The following MCF2L variants were observed in gnomAD, a reference collection of about 807,000 sequenced individuals.
The protein encoded by MCF2L is guanine nucleotide exchange factor DBS.
MCF2L carries 97 observed loss-of-function variants against 153.4 expected under a neutral mutation model. The observed-to-expected ratio is 0.63, with a 90% CI of 0.54 to 0.75. MCF2L has a LOEUF of 0.75. MCF2L is among the 30% of genes least tolerant of loss of function. MCF2L has a pLI of 0.00. For synonymous variants in MCF2L, 659 were observed against 632.2 expected (o/e 1.04, Z -0.64); for missense variants, 1,347 against 1,495.2 (o/e 0.90, Z 1.64).
intron 5 of MCF2L, among the ~76,000 whole-genome samples, chr13:113,063,440 TTCAGGCGTCCCTGTCCACACAGCC>T (rs1386680690): frequency 8.2e-6 from 1 of 122,304 alleles, no homozygotes; most frequent in Non-Finnish European, 1.8e-5. Context: ...GCCCACAGCG[TTCAGGCGTCCCTGTCCACACAGCC>T]GCCCACAGCG....
At chr13:112,905,962 C>T (rs985375353) in intron 2 of MCF2L, among the ~76,000 whole-genome samples, 3 of 152,232 alleles carry the variant, frequency 2.0e-5, no homozygotes, top group African/African-American at 4.8e-5. Flanking sequence ...GTGATTCCCC[C>T]TGGTTCTACC....
At chr13:113,090,802 A>G (rs1409516879) in intron 26 of MCF2L, 1 of 984,942 alleles carries the variant, frequency 1.0e-6, no homozygotes, top group Non-Finnish European at 1.2e-6. Context: ...CTGAGACTTG[A>G]AACAAACAAA....
intron 2 of MCF2L, among the ~76,000 whole-genome samples, chr13:112,944,751 G>T (rs1313979070): frequency 6.6e-6 from 1 of 152,144 alleles, no homozygotes; most frequent in Non-Finnish European, 1.5e-5. Context: ...CTCCCAAAGT[G>T]CTGGGATTAC....
intron 2 of MCF2L, among the ~76,000 whole-genome samples, chr13:112,939,531 T>C (rs2081554604): frequency 1.3e-5 from 2 of 152,156 alleles, no homozygotes; most frequent in South Asian, 4.1e-4. Flanking sequence ...TCCAGGGATG[T>C]CTTGTATTGC....
At chr13:112,926,986 A>T (rs2081414315) in intron 2 of MCF2L, among the ~76,000 whole-genome samples, 1 of 152,232 alleles carries the variant, frequency 6.6e-6, no homozygotes, top group Non-Finnish European at 1.5e-5. Context: ...CATACTTCAG[A>T]CCATCATGTA....
intron 1 of MCF2L, chr13:112,902,135 G>T: frequency 7.3e-7 from 1 of 1,375,610 alleles, no homozygotes. Flanking sequence ...TTTGTTCAGA[G>T]CAACAGTTCT....
At chr13:112,945,995 C>G (rs1352920339) in intron 2 of MCF2L, among the ~76,000 whole-genome samples, 2 of 152,148 alleles carry the variant, frequency 1.3e-5, no homozygotes, top group African/African-American at 4.8e-5. Flanking sequence ...GACCGGAAAC[C>G]TGAGCTCATC....
At chr13:113,057,796 T>C (rs892387626) in intron 4 of MCF2L, among the ~76,000 whole-genome samples, 2 of 147,338 alleles carry the variant, frequency 1.4e-5, no homozygotes, top group African/African-American at 5.1e-5. Flanking sequence ...GCGTGTTTGC[T>C]GTGTGTTTGG....
chr13:113,062,679 G>A (rs533161679), intron 5 of MCF2L, among the ~76,000 whole-genome samples: 2 of 152,252 alleles, frequency 1.3e-5, no homozygotes, highest in African/African-American at 4.8e-5. Context: ...GTTGACACGT[G>A]TGTGTCCGTG....
chr13:113,050,469 T>C (rs942709104), intron 4 of MCF2L, among the ~76,000 whole-genome samples: 5 of 151,492 alleles, frequency 3.3e-5, no homozygotes, highest in African/African-American at 1.2e-4. Flanking sequence ...CTCTTTCCTG[T>C]AACGCCGGTG....
Position 113,008,384 on chromosome 13 carries a change from C to G in MCF2L, c.80-6379C>G, listed in dbSNP as rs370681746. Among the ~76,000 whole-genome samples the G allele has an allele frequency of 1.2e-4, 19 of 152,340 alleles. No individual in the cohort carries two copies. In the East Asian group the frequency reaches 1.9e-3, roughly 15 times the overall value. Reference sequence around the variant, plus strand: ...CTCAGCCCCTGGACTCCAGCAGTCACCCTCATAGGAGTCCCACCTCTGCGG... The same window carrying G: ...CTCAGCCCCTGGACTCCAGCAGTCAGCCTCATAGGAGTCCCACCTCTGCGG... On this transcript the variant is annotated intron_variant, in intron 1 of 29. Coordinates refer to ENST00000535094, the MANE Select transcript of MCF2L (RefSeq NM_001112732.3).
intron 1 of MCF2L, among the ~76,000 whole-genome samples, chr13:112,980,398 C>T (rs895532336): frequency 7.2e-5 from 11 of 152,374 alleles, no homozygotes; most frequent in South Asian, 6.2e-4. Context: ...GGCTGTGGAA[C>T]GTGGGGCAGA....
chr13:112,899,727 C>G (rs982286848), intron 1 of MCF2L, among the ~76,000 whole-genome samples: 4 of 152,184 alleles, frequency 2.6e-5, no homozygotes, highest in Admixed American at 2.6e-4. Context: ...CTGACTGGCA[C>G]CTGCTGCGGA....
chr13:112,960,572 G>A lies in MCF2L; in HGVS notation c.170-54191G>A, dbSNP rs563206465. Among the ~76,000 whole-genome samples, 41 of 152,238 alleles carry A rather than the reference G, an allele frequency of 2.7e-4. No individual in the cohort carries two copies. Among genetic ancestry groups the A allele is most frequent in the African/African-American group, 8.9e-4 (37 of 41,542 alleles). ...TGGGGAAGGGGGGCTTTGGGGTTTCGGTGTCCAGGGCTGTGTCAGTTTCCT... is the reference window on the plus strand; with the variant it reads ...TGGGGAAGGGGGGCTTTGGGGTTTCAGTGTCCAGGGCTGTGTCAGTTTCCT... On this transcript the variant is annotated intron_variant, in intron 2 of 29. Coordinates refer to the MCF2L transcript ENST00000375608. The surrounding 1 kb of genome is among the most constrained non-coding windows in gnomAD (Gnocchi z 4.2).
chr13:112,970,591 C>T (rs936908697), intron 1 of MCF2L, among the ~76,000 whole-genome samples: 19 of 151,950 alleles, frequency 1.3e-4, no homozygotes, highest in Non-Finnish European at 2.5e-4. Flanking sequence ...TGAAGGGCTG[C>T]GTGGATGCCA....
At chr13:113,002,883 A>T (rs1027253323) in intron 1 of MCF2L, among the ~76,000 whole-genome samples, 1 of 152,158 alleles carries the variant, frequency 6.6e-6, no homozygotes, top group African/African-American at 2.4e-5. Context: ...TAAAGTAAAG[A>T]ACTGGCTGGG....
Position 113,092,957 on chromosome 13 carries a change from G to C in MCF2L, c.2954-1557G>C, listed in dbSNP as rs111473756. Among the ~76,000 whole-genome samples, 446 of 152,344 alleles carry C rather than the reference G, an allele frequency of 2.9e-3. 3 individuals carry two copies. The highest frequency in any genetic ancestry group is 0.028 in the East Asian group (145 of 5,182). ...CACAGGCCGGCCTCGCTGCCCCTGT[G>C]GACAGGTTCGTGTGTAAGGTCCTGC... On this transcript the variant is annotated intron_variant, in intron 26 of 29. Coordinates refer to ENST00000535094, the MANE Select transcript of MCF2L (RefSeq NM_001112732.3).
In MCF2L at chr13:113,045,390, G is replaced by A. The variant is rs558193003; in HGVS notation, c.369+29G>A. On this transcript the variant is annotated intron_variant, in intron 4 of 29. Transcript: ENST00000535094. The surrounding 1 kb of genome is among the most constrained non-coding windows in gnomAD (Gnocchi z 4.2). Reference sequence around the variant, plus strand: ...AGTGCCACCCGGGGCTCTGCCCTGCGCCCGGCCCCTCCCTGGGCTGCATGA... The same window carrying A: ...AGTGCCACCCGGGGCTCTGCCCTGCACCCGGCCCCTCCCTGGGCTGCATGA... 44 of 1,578,984 alleles carry A rather than the reference G, an allele frequency of 2.8e-5. No homozygotes were observed. Among genetic ancestry groups the A allele is most frequent in the Admixed American group, 2.2e-4 (13 of 59,928 alleles).
At chr13:113,005,900 A>G (rs978601669) in intron 1 of MCF2L, among the ~76,000 whole-genome samples, 1 of 152,236 alleles carries the variant, frequency 6.6e-6, no homozygotes, top group Non-Finnish European at 1.5e-5. Context: ...AGAAGCTGTA[A>G]GCTCAGGAAG....
Sources: allele counts gnomAD v4.1 joint callset (sites outside exome capture counted in the v4.1 genomes callset), GRCh38; gene constraint gnomAD v4.1.1; non-coding constraint Gnocchi (gnomAD v3.1); transcripts MANE v1.5; gene names NCBI Gene and HGNC (gene_info 2026-07-23, HGNC 2026-07-21).